The following DNASE1 variants were observed in gnomAD, a reference collection of about 807,000 sequenced individuals.
The protein encoded by DNASE1 is deoxyribonuclease-1.
Under a neutral mutation model 33.9 loss-of-function variants are expected in DNASE1, and 40 were observed. The observed-to-expected ratio is 1.18, with a 90% CI of 0.92 to 1.54. The LOEUF (loss-of-function observed/expected upper bound fraction) is 1.54. Ranked by LOEUF, DNASE1 falls within the 40% of genes most tolerant of loss-of-function variation. The pLI is 0.00. For synonymous variants in DNASE1, 216 were observed against 160.0 expected (o/e 1.35, Z -2.64); for missense variants, 518 against 372.6 (o/e 1.39, Z -3.21).
chr16:3,649,481 T>A (rs916322591), intron 1 of DNASE1, among the ~76,000 whole-genome samples: 3 of 152,256 alleles, frequency 2.0e-5, no homozygotes, highest in African/African-American at 7.2e-5. Context: ...TTGCAATTAT[T>A]CTTTTCAGTA....
chr16:3,650,643 C>T (rs1454225994), upstream of DNASE1: 1 of 150,348 alleles, frequency 6.7e-6, no homozygotes, highest in Non-Finnish European at 1.5e-5. Flanking sequence ...AAATCCCCCA[C>T]AGTTCCATTT....
intron 1 of DNASE1, among the ~76,000 whole-genome samples, chr16:3,646,465 C>T (rs745855391): frequency 4.6e-5 from 7 of 151,924 alleles, no homozygotes; most frequent in Non-Finnish European, 7.4e-5. Context: ...TCATATGGGC[C>T]GGCAGAGATG....
chr16:3,625,836 A>T (rs1160812009), intron 1 of DNASE1, among the ~76,000 whole-genome samples: 1 of 152,154 alleles, frequency 6.6e-6, no homozygotes, highest in Admixed American at 6.5e-5. Context: ...ATGGTGGCTC[A>T]TGCCTGTAAT....
chr16:3,663,602 C>A (rs769597501), exon 10 of DNASE1: 23 of 1,610,048 alleles, frequency 1.4e-5, no homozygotes, highest in African/African-American at 1.2e-4. Flanking sequence ...ACCCCGGGGG[C>A]CTCCAGCCAC....
chr16:3,624,995 C>A (rs1185266831), intron 1 of DNASE1, among the ~76,000 whole-genome samples: 1 of 152,168 alleles, frequency 6.6e-6, no homozygotes, highest in Non-Finnish European at 1.5e-5. Context: ...CATGCCCAGC[C>A]TGCAGTTTTT....
chr16:3,622,309 A>G (rs1257906964), intron 1 of DNASE1, among the ~76,000 whole-genome samples: 1 of 151,526 alleles, frequency 6.6e-6, no homozygotes, highest in Admixed American at 6.6e-5. Context: ...AGAATATATC[A>G]TGAAACATTT....
At chr16:3,661,976 C>G, downstream of DNASE1, 1 of 1,593,678 alleles carries the variant, frequency 6.3e-7, no homozygotes, top group East Asian at 2.3e-5. Flanking sequence ...GAGCCAGGAG[C>G]GTGGCCTCAC....
chr16:3,622,620 A>AT (rs1250008559), intron 1 of DNASE1, among the ~76,000 whole-genome samples: 4 of 152,046 alleles, frequency 2.6e-5, no homozygotes, highest in East Asian at 3.9e-4. Flanking sequence ...ACTTAAAAAA[A>AT]TTTTTTTTCT....
chr16:3,623,009 T>C (rs748812317), intron 1 of DNASE1, among the ~76,000 whole-genome samples: 2 of 152,046 alleles, frequency 1.3e-5, no homozygotes, highest in African/African-American at 2.4e-5. Context: ...CTCGGCAACA[T>C]AGTAAGACTC....
chr16:3,652,090 C>A (rs934031975), upstream of DNASE1: 3 of 152,380 alleles, frequency 2.0e-5, no homozygotes, highest in Admixed American at 6.5e-5. Context: ...GCAGCACTCG[C>A]CATTTGTACA....
exon 10 of DNASE1, chr16:3,664,868 CAG>C (rs2050792798): frequency 5.6e-6 from 1 of 178,604 alleles, no homozygotes; most frequent in Non-Finnish European, 1.2e-5. Context: ...CTGGCTATGG[CAG>C]AGACTGGCTT....
In DNASE1 at chr16:3,657,946, T is replaced by C; in HGVS notation, c.842T>C (p.Leu281Pro). ...GACCACTATCCAGTGGAGGTGATGCTGAAGTGAGCAGCCCCTCCCCACACC... is the reference window on the plus strand; with the variant it reads ...GACCACTATCCAGTGGAGGTGATGCCGAAGTGAGCAGCCCCTCCCCACACC... Reference protein sequence around the residue: ...ISDHYPVEVMLK With the variant: ...ISDHYPVEVMPK The change falls in exon 9 of 9, where the codon CTG (leucine) becomes CCG (proline). Residue 281 changes from leucine to proline, a missense_variant. Coordinates refer to ENST00000246949, the MANE Select transcript of DNASE1 (RefSeq NM_005223.4). The C allele has an allele frequency of 1.2e-6, 2 of 1,613,882 alleles. No individual in the cohort carries two copies. The highest frequency in any genetic ancestry group is 1.7e-6 in the Non-Finnish European group (2 of 1,179,960).
intron 1 of DNASE1, among the ~76,000 whole-genome samples, chr16:3,636,791 G>C (rs1261784022): frequency 6.6e-6 from 1 of 151,572 alleles, no homozygotes; most frequent in African/African-American, 2.4e-5. Flanking sequence ...CAGTACTCCA[G>C]CCTGGGCAAC....
chr16:3,662,155 AGG>A, downstream of DNASE1: 1 of 1,596,176 alleles, frequency 6.3e-7, no homozygotes, highest in South Asian at 1.1e-5. Flanking sequence ...CCCGGGGTTG[AGG>A]GTGATAGAGG....
rs1024948801 is a variant in DNASE1, at chr16:3,654,975, T to C, written c.-71T>C. On this transcript the variant is annotated 5_prime_UTR_variant, in exon 1 of 9. Coordinates refer to ENST00000246949, the MANE Select transcript of DNASE1 (RefSeq NM_005223.4). ...TCTTTAAGCAGCAAAAGGAGAAAAT[T>C]GTCATCAAAGGATATTCCAGATTCT... 1 of 458,476 alleles carries C rather than the reference T, an allele frequency of 2.2e-6. No individual in the cohort carries two copies. The highest frequency in any genetic ancestry group is 3.8e-6 in the Non-Finnish European group (1 of 262,290). 28.4% of individuals were successfully genotyped at this position (458,476 alleles called of 1,614,324 possible).
intron 1 of DNASE1, among the ~76,000 whole-genome samples, chr16:3,643,901 C>T (rs1169276734): frequency 2.0e-5 from 3 of 152,118 alleles, no homozygotes; most frequent in Non-Finnish European, 4.4e-5. Flanking sequence ...GCTGGGACTA[C>T]AGGCGCCCGC....
chr16:3,657,043 G>A lies in DNASE1; in HGVS notation c.481G>A (p.Asp161Asn), dbSNP rs1458301421. Residue 161 changes from aspartate (D) to asparagine (N), a missense_variant, in exon 6 of 9, where the codon GAC (aspartate) becomes AAC (asparagine). Coordinates refer to ENST00000246949, the MANE Select transcript of DNASE1 (RefSeq NM_005223.4). ...AIVPLHAAPG[D>N]AVAEIDALYD... is the part of the protein sequence containing the mutation. ...TGTTCCCCTGCATGCGGCCCCGGGG[G>A]ACGCAGTAGCCGAGATCGACGCTCT... 7 of 1,613,722 alleles carry A rather than the reference G, an allele frequency of 4.3e-6. No homozygotes were observed. In the South Asian group the frequency reaches 5.5e-5, roughly 13 times the overall value.
intron 1 of DNASE1, among the ~76,000 whole-genome samples, chr16:3,622,586 G>C (rs9989424): frequency 0.44 from 67,376 of 151,964 alleles, 17,658 homozygotes; most frequent in African/African-American, 0.74. Flanking sequence ...GTTACAGATA[G>C]TTTTTACCAG....
At chr16:3,650,603 C>CAAAAAA (rs201718600), upstream of DNASE1, 1 of 63,358 alleles carries the variant, frequency 1.6e-5, no homozygotes, top group African/African-American at 6.1e-5. Context: ...TATGGTCATT[C>CAAAAAA]AAAAAAAAAA....
Sources: allele counts gnomAD v4.1 joint callset (sites outside exome capture counted in the v4.1 genomes callset), GRCh38; gene constraint gnomAD v4.1.1; transcripts MANE v1.5; gene names NCBI Gene and HGNC (gene_info 2026-07-23, HGNC 2026-07-21).